DPP6: variants seen among roughly 807,000 people sequenced by gnomAD.
DPP6 encodes dipeptidyl peptidase like 6.
Under a neutral mutation model 122.6 loss-of-function variants are expected in DPP6, and 69 were observed. The ratio of observed to expected loss-of-function variants is 0.56; its 90% CI spans 0.46 to 0.69. The LOEUF (loss-of-function observed/expected upper bound fraction) is 0.69, where lower values mean the gene tolerates loss of function less well. Among genes scored for constraint, DPP6 ranks in the 30% least tolerant of loss-of-function variants. DPP6 has a pLI of 0.00. For missense variants in DPP6, 928 were observed against 1,116.9 expected (o/e 0.83, Z 2.41); for synonymous variants, 418 against 433.1 (o/e 0.97, Z 0.43).
At chr7:153,805,031 T>C in the DPP6 span, among the ~76,000 whole-genome samples, 1 of 152,196 alleles carries the variant, frequency 6.6e-6, no homozygotes, top group East Asian at 1.9e-4. Flanking sequence ...GTGAAGACAT[T>C]TCAGGAATGC....
intron 1 of DPP6, among the ~76,000 whole-genome samples, chr7:154,145,363 C>T (rs1275036105): frequency 1.3e-5 from 2 of 152,112 alleles, no homozygotes; most frequent in Admixed American, 1.3e-4. Context: ...AGACCCGAGT[C>T]CTACCACCAC....
chr7:154,424,843 G>C (rs1180069233), intron 1 of DPP6, among the ~76,000 whole-genome samples: 1 of 152,104 alleles, frequency 6.6e-6, no homozygotes, highest in Non-Finnish European at 1.5e-5. Flanking sequence ...TCATTTGCAA[G>C]TTGAAGGCAC....
intron 6 of DPP6, among the ~76,000 whole-genome samples, chr7:154,639,162 G>A (rs1375429020): frequency 2.6e-5 from 4 of 152,140 alleles, no homozygotes; most frequent in Admixed American, 1.3e-4. Context: ...AAACAAACTC[G>A]AATAAACTAA....
chr7:154,231,394 G>A (rs1296242757), intron 1 of DPP6, among the ~76,000 whole-genome samples: 2 of 152,160 alleles, frequency 1.3e-5, no homozygotes, highest in Non-Finnish European at 2.9e-5. Flanking sequence ...TTTGTGTGAG[G>A]ACATCAGGAG....
chr7:154,116,040 T>G (rs1044900070), intron 1 of DPP6, among the ~76,000 whole-genome samples: 9 of 151,124 alleles, frequency 6.0e-5, no homozygotes, highest in African/African-American at 9.7e-5. Context: ...ATTCTTACCT[T>G]TTACAAAACA....
chr7:154,343,528 C>T (rs887712786), intron 1 of DPP6, among the ~76,000 whole-genome samples: 1 of 152,236 alleles, frequency 6.6e-6, no homozygotes, highest in African/African-American at 2.4e-5. Context: ...GGACCTGTCC[C>T]CTGCAGGGAA....
At chr7:153,761,132 G>A in the DPP6 span, among the ~76,000 whole-genome samples, 12 of 152,056 alleles carry the variant, frequency 7.9e-5, no homozygotes, top group African/African-American at 2.4e-4. Context: ...GTCCTTCTTC[G>A]CTTTCTTTGA....
intron 3 of DPP6, among the ~76,000 whole-genome samples, chr7:154,538,276 A>G (rs938498596): frequency 6.6e-6 from 1 of 152,124 alleles, no homozygotes; most frequent in African/African-American, 2.4e-5. Flanking sequence ...CATGTGCAGG[A>G]TGTGCAGGTT....
chr7:154,884,205 A>G (rs62649274), intron 21 of DPP6: 47,328 of 145,670 alleles, frequency 0.32, 7,881 homozygotes, highest in East Asian at 0.51. Context: ...CACCTCCCAC[A>G]TACACGATTA....
rs1455454253 is a variant in DPP6 at position 154,463,200 on chromosome 7, T to TC, written c.359-11739_359-11738insC. On this transcript the variant is annotated intron_variant, in intron 2 of 25. Transcript: ENST00000377770. The stretch of plus-strand genomic sequence containing the variant: ...TTACCTTTACTTCTCCTTTTCTTTT[T>TC]TTTTTTTTTTTTTTTTTTTTTTTTT... Among the ~76,000 whole-genome samples the TC allele has an allele frequency of 5.4e-5, 4 of 74,154 alleles. No homozygotes were observed. The East Asian group carries it at 2.4e-3, about 44-fold the overall frequency. The allele number at this position is 74,154 out of a possible 152,430, so 48.6% of individuals were successfully genotyped here.
chr7:153,986,372 T>C (rs1353287475), intron 1 of DPP6, among the ~76,000 whole-genome samples: 6 of 152,136 alleles, frequency 3.9e-5, no homozygotes, highest in Non-Finnish European at 7.3e-5. Flanking sequence ...CGAGACCTGT[T>C]CATCTCACAT....
chr7:154,007,739 TCTGCAGGGCCTG>T (rs1797973523), intron 1 of DPP6, among the ~76,000 whole-genome samples: 1 of 152,150 alleles, frequency 6.6e-6, no homozygotes, highest in South Asian at 2.1e-4. Flanking sequence ...ATCTCTGGGT[TCTGCAGGGCCTG>T]CTGCAGGAAT....
intron 1 of DPP6, among the ~76,000 whole-genome samples, chr7:154,293,027 C>T (rs1428859883): frequency 1.3e-5 from 2 of 152,098 alleles, no homozygotes; most frequent in Non-Finnish European, 2.9e-5. Flanking sequence ...AAGTAGTTAT[C>T]TTTGCTGTTT....
At chr7:154,153,954 A>T (rs1460626433) in intron 1 of DPP6, among the ~76,000 whole-genome samples, 2 of 152,192 alleles carry the variant, frequency 1.3e-5, no homozygotes, top group Non-Finnish European at 2.9e-5. Context: ...TGGTTAGAGC[A>T]TTTAGAGTTT....
intron 8 of DPP6, among the ~76,000 whole-genome samples, chr7:154,756,345 C>T (rs537205586): frequency 2.6e-5 from 4 of 152,190 alleles, no homozygotes; most frequent in Admixed American, 6.5e-5. Context: ...CCTGCCTATA[C>T]GTCTCCAGGC....
chr7:154,699,483 A>G (rs1840396173), intron 7 of DPP6, among the ~76,000 whole-genome samples: 1 of 152,170 alleles, frequency 6.6e-6, no homozygotes, highest in Non-Finnish European at 1.5e-5. Flanking sequence ...GAAAACGTTC[A>G]CAATATTTGT....
At chr7:153,794,242 C>A in the DPP6 span, among the ~76,000 whole-genome samples, 2 of 152,230 alleles carry the variant, frequency 1.3e-5, no homozygotes, top group Non-Finnish European at 2.9e-5. Flanking sequence ...CCTGTGAAAG[C>A]AGCTGGGATG....
At chr7:154,715,129 C>T (rs377344104) in intron 7 of DPP6, among the ~76,000 whole-genome samples, 14 of 152,018 alleles carry the variant, frequency 9.2e-5, no homozygotes, top group African/African-American at 2.9e-4. Context: ...TGCCATGGCA[C>T]GGTCTCAACT....
At position 154,892,395 on chromosome 7, in the gene DPP6, C is replaced by G; in HGVS notation, c.2513C>G (p.Ser838Cys). ...AGCCTCAAACAGCATCTGTACCGGT[C>G]CATCATCAACTTCTTCGTGGAATGC... ...SSSLKQHLYR[S>C]IINFFVECFR... is the part of the protein sequence containing the mutation. Residue 838 changes from serine to cysteine, a missense_variant, in exon 26 of 26, where the codon TCC (serine) becomes TGC (cysteine). Transcript: ENST00000377770. 1 of 1,614,012 alleles carries G rather than the reference C, an allele frequency of 6.2e-7. No individual in the cohort carries two copies. The highest frequency in any genetic ancestry group is 8.5e-7 in the Non-Finnish European group (1 of 1,179,892).
Sources: gnomAD v4.1 joint callset for allele counts (sites outside exome capture counted in the v4.1 genomes callset) on GRCh38, gnomAD v4.1.1 for gene constraint, MANE v1.5 for transcripts, NCBI Gene and HGNC (gene_info 2026-07-23, HGNC 2026-07-21) for gene names.